NTM: variants seen among roughly 807,000 people sequenced by gnomAD.
The protein encoded by NTM is neurotrimin.
A neutral mutation model predicts 42.1 loss-of-function variants in NTM; 13 were observed. The ratio of observed to expected loss-of-function variants is 0.31; its 90% CI spans 0.20 to 0.49. The LOEUF is 0.49. NTM is among the 20% of genes least tolerant of loss of function. The probability of loss-of-function intolerance (pLI) is 0.99; values close to 1 mark genes in which losing one functional copy is unlikely to be tolerated. For missense variants in NTM, 373 were observed against 452.8 expected, an observed-to-expected ratio of 0.82 and a Z score of 1.60; for synonymous variants, 187 against 179.2, an observed-to-expected ratio of 1.04 and a Z score of -0.35.
At chr11:131,675,549 A>T (rs896760775) in intron 1 of NTM, among the ~76,000 whole-genome samples, 3 of 152,086 alleles carry the variant, frequency 2.0e-5, no homozygotes, top group Non-Finnish European at 4.4e-5. Context: ...GGGAGGTAGG[A>T]TTATCTCATT....
At chr11:131,935,598 A>G (rs1018351161) in intron 2 of NTM, among the ~76,000 whole-genome samples, 1 of 146,702 alleles carries the variant, frequency 6.8e-6, no homozygotes, top group African/African-American at 2.5e-5. Context: ...TCATGAGGAT[A>G]GGTGGGGGAG....
intron 2 of NTM, among the ~76,000 whole-genome samples, chr11:131,927,355 G>A (rs1459835399): frequency 6.6e-6 from 1 of 152,126 alleles, no homozygotes; most frequent in Non-Finnish European, 1.5e-5. Flanking sequence ...TTAGTAGTTG[G>A]TGCTGGGCTC....
At chr11:132,228,340 C>A (rs2086747471) in intron 4 of NTM, among the ~76,000 whole-genome samples, 1 of 152,138 alleles carries the variant, frequency 6.6e-6, no homozygotes, top group Non-Finnish European at 1.5e-5. Context: ...GTTTAGGTTT[C>A]AATAATGTTA....
At chr11:131,964,988 G>C (rs1198732447) in intron 2 of NTM, among the ~76,000 whole-genome samples, 1 of 152,140 alleles carries the variant, frequency 6.6e-6, no homozygotes, top group Non-Finnish European at 1.5e-5. Context: ...ACAGGAGCCT[G>C]ACAGAGAGTG....
intron 4 of NTM, among the ~76,000 whole-genome samples, chr11:132,258,606 A>C (rs907978037): frequency 2.6e-5 from 4 of 152,022 alleles, no homozygotes; most frequent in Non-Finnish European, 5.9e-5. Context: ...GAGAGTTTGG[A>C]CCCATATAAC....
intron 3 of NTM, among the ~76,000 whole-genome samples, chr11:132,189,120 G>A (rs1481390600): frequency 6.6e-6 from 1 of 152,126 alleles, no homozygotes; most frequent in African/African-American, 2.4e-5. Flanking sequence ...GCAGGTGGTG[G>A]ATGATAGAAA....
At chr11:131,638,542 G>C (rs1220681443) in intron 1 of NTM, among the ~76,000 whole-genome samples, 1 of 140,364 alleles carries the variant, frequency 7.1e-6, no homozygotes, top group East Asian at 2.1e-4. Context: ...TTCCAGCCTA[G>C]GTGACACAGC....
intron 3 of NTM, chr11:132,211,634 T>C (rs1390636307): frequency 5.9e-6 from 1 of 170,588 alleles, no homozygotes; most frequent in Non-Finnish European, 1.2e-5. Flanking sequence ...CTGGAGCTGT[T>C]TAGACAGAGA....
chr11:132,024,158 G>C (rs908165701), intron 2 of NTM, among the ~76,000 whole-genome samples: 2 of 151,876 alleles, frequency 1.3e-5, no homozygotes, highest in South Asian at 4.2e-4. Flanking sequence ...GAGAGGGAAG[G>C]AGGATAGGGT....
intron 1 of NTM, among the ~76,000 whole-genome samples, chr11:131,747,960 G>A (rs961121539): frequency 1.3e-5 from 2 of 152,026 alleles, no homozygotes; most frequent in South Asian, 2.1e-4. Context: ...CACTGTACTC[G>A]CCGGGCACCA....
intron 4 of NTM, among the ~76,000 whole-genome samples, chr11:132,226,125 G>C (rs1167386058): frequency 6.6e-6 from 1 of 152,164 alleles, no homozygotes; most frequent in African/African-American, 2.4e-5. Context: ...TGGACATTTG[G>C]GTTGGTTCCA....
intron 1 of NTM, among the ~76,000 whole-genome samples, chr11:131,655,617 C>A (rs1404352789): frequency 6.6e-6 from 1 of 152,210 alleles, no homozygotes; most frequent in Non-Finnish European, 1.5e-5. Flanking sequence ...GGGACCACAG[C>A]CCCTGCCGGG....
chr11:132,294,640 A>G (rs1199083313), intron 4 of NTM, among the ~76,000 whole-genome samples: 1 of 152,164 alleles, frequency 6.6e-6, no homozygotes, highest in Non-Finnish European at 1.5e-5. Flanking sequence ...GAAGGACAGC[A>G]CTGTCAATGG....
chr11:132,224,525 A>G (rs890681037), intron 4 of NTM, among the ~76,000 whole-genome samples: 2 of 152,160 alleles, frequency 1.3e-5, no homozygotes, highest in Non-Finnish European at 2.9e-5. Context: ...TTAATCCCAC[A>G]TGTTCCCAGT....
At chr11:131,971,648 T>C (rs1329072057) in intron 2 of NTM, among the ~76,000 whole-genome samples, 1 of 152,074 alleles carries the variant, frequency 6.6e-6, no homozygotes, top group Non-Finnish European at 1.5e-5. Context: ...CTATGTGACC[T>C]CAGTGATGGT....
chr11:131,370,719 G>A lies in NTM; in HGVS notation c.-88G>A, dbSNP rs78741541. 1.7e-6 allele frequency: 2 copies of A among 1,145,348 alleles called. No homozygotes were observed. Among genetic ancestry groups the A allele is most frequent in the East Asian group, 2.4e-5 (1 of 42,188 alleles). The allele number at this position is 1,145,348 out of a possible 1,614,324, so 70.9% of individuals were successfully genotyped here. On this transcript the variant is annotated 5_prime_UTR_variant, in exon 1 of 9. Coordinates refer to ENST00000683400, the MANE Select transcript of NTM (RefSeq NM_001352005.2). The stretch of plus-strand genomic sequence containing the variant: ...AGTGGATTTAAATCTCCTTGCACAA[G>A]CTTGAGAGCAACACAATCTATCAGG...
chr11:132,109,293 A>G (rs2136706681), intron 2 of NTM, among the ~76,000 whole-genome samples: 1 of 152,196 alleles, frequency 6.6e-6, no homozygotes, highest in East Asian at 1.9e-4. Context: ...TTCCACAATC[A>G]ATGAACTAAT....
At chr11:132,215,078 T>A (rs1423480019) in intron 4 of NTM, among the ~76,000 whole-genome samples, 1 of 152,230 alleles carries the variant, frequency 6.6e-6, no homozygotes, top group Non-Finnish European at 1.5e-5. Context: ...CCAGTAGTAT[T>A]TCCTAAAGGA....
At chr11:132,102,438 G>C (rs956991072) in intron 2 of NTM, among the ~76,000 whole-genome samples, 5 of 152,142 alleles carry the variant, frequency 3.3e-5, no homozygotes, top group African/African-American at 1.2e-4. Context: ...ATGTCAAACT[G>C]GATCTGTCTT....
Sources: gnomAD v4.1 joint callset for allele counts (sites outside exome capture counted in the v4.1 genomes callset) on GRCh38, gnomAD v4.1.1 for gene constraint, MANE v1.5 for transcripts, NCBI Gene and HGNC (gene_info 2026-07-23, HGNC 2026-07-21) for gene names.